The following RFTN2 variants were observed in gnomAD, a reference collection of about 807,000 sequenced individuals.
The protein encoded by RFTN2 is raftlin-2.
RFTN2 carries 34 observed loss-of-function variants against 52.7 expected under a neutral mutation model. The observed-to-expected ratio is 0.64, with a 90% CI of 0.49 to 0.86. The LOEUF (loss-of-function observed/expected upper bound fraction) is 0.86. RFTN2 is among the 40% of genes least tolerant of loss of function. The pLI is 0.00. For missense variants in RFTN2, 536 were observed against 600.1 expected (o/e 0.89, Z 1.12); for synonymous variants, 203 against 217.7 (o/e 0.93, Z 0.59).
At chr2:197,578,525 G>C (rs535905764) in intron 8 of RFTN2, among the ~76,000 whole-genome samples, 2 of 152,124 alleles carry the variant, frequency 1.3e-5, no homozygotes, top group Admixed American at 1.3e-4. Flanking sequence ...ACATTACCTT[G>C]TGAAATTCCT....
At chr2:197,669,235 A>G (rs1164592523) in intron 1 of RFTN2, among the ~76,000 whole-genome samples, 4 of 152,158 alleles carry the variant, frequency 2.6e-5, no homozygotes, top group Admixed American at 6.5e-5. Context: ...TTTCACTGCT[A>G]TCTTCTTAAT....
chr2:197,671,999 T>G (rs2089153540), intron 1 of RFTN2, among the ~76,000 whole-genome samples: 1 of 152,208 alleles, frequency 6.6e-6, no homozygotes, highest in Non-Finnish European at 1.5e-5. Flanking sequence ...ATACATCATA[T>G]GCTCTCATAA....
At chr2:197,629,193 C>T (rs1288075787) in intron 5 of RFTN2, among the ~76,000 whole-genome samples, 1 of 152,190 alleles carries the variant, frequency 6.6e-6, no homozygotes, top group Non-Finnish European at 1.5e-5. Flanking sequence ...TTGGAACCAA[C>T]CCAAATGTCC....
intron 5 of RFTN2, among the ~76,000 whole-genome samples, chr2:197,626,363 TGAGACCAACCTGGGCAGCAAAGC>T (rs1470390949): frequency 6.6e-6 from 1 of 151,942 alleles, no homozygotes; most frequent in Non-Finnish European, 1.5e-5. Flanking sequence ...GCCAGGAGTT[TGAGACCAACCTGGGCAGCAAAGC>T]GAGACCATGT....
intron 7 of RFTN2, 55 bp downstream of exon 7, chr2:197,615,821 G>T: frequency 1.1e-6 from 1 of 888,794 alleles, no homozygotes; most frequent in Non-Finnish European, 1.8e-6. Context: ...CTATCTAACA[G>T]ATGAAGTTAT....
chr2:197,572,754 C>A (rs2087340029), intron 8 of RFTN2, among the ~76,000 whole-genome samples: 1 of 152,148 alleles, frequency 6.6e-6, no homozygotes, highest in Admixed American at 6.5e-5. Context: ...TTGGCTGTGT[C>A]CCCACCCAAA....
At chr2:197,637,521 T>C (rs966326793) in intron 3 of RFTN2, among the ~76,000 whole-genome samples, 1 of 152,252 alleles carries the variant, frequency 6.6e-6, no homozygotes, top group Non-Finnish European at 1.5e-5. Flanking sequence ...TTCTAGTTTA[T>C]TTGCATAGAG....
intron 1 of RFTN2, among the ~76,000 whole-genome samples, chr2:197,657,308 T>C (rs1029335302): frequency 2.6e-5 from 4 of 152,228 alleles, no homozygotes; most frequent in Non-Finnish European, 5.9e-5. Context: ...AGCCTGAGTC[T>C]CATTAGTTTG....
chr2:197,606,086 G>A (rs143930864), intron 7 of RFTN2, among the ~76,000 whole-genome samples: 52 of 152,114 alleles, frequency 3.4e-4, no homozygotes, highest in African/African-American at 1.2e-3. Context: ...TATATACTGT[G>A]TGGCCTTTTG....
At chr2:197,578,169 T>G (rs2087448824) in intron 8 of RFTN2, among the ~76,000 whole-genome samples, 1 of 152,184 alleles carries the variant, frequency 6.6e-6, no homozygotes, top group Non-Finnish European at 1.5e-5. Context: ...CCTCTTTATA[T>G]ATCAGCTAAT....
chr2:197,642,922 C>T (rs998969503), intron 3 of RFTN2, among the ~76,000 whole-genome samples: 9 of 151,874 alleles, frequency 5.9e-5, no homozygotes, highest in East Asian at 1.9e-4. Context: ...GAGACTGCAG[C>T]GAGCTATGAT....
chr2:197,625,140 G>GT (rs1183053858), intron 5 of RFTN2, among the ~76,000 whole-genome samples: 2 of 152,084 alleles, frequency 1.3e-5, no homozygotes, highest in Admixed American at 1.3e-4. Context: ...ATGAACCACT[G>GT]TGCTGGCCCA....
In RFTN2 at chr2:197,671,218, T is replaced by G. The variant is rs1428214876; in HGVS notation, c.139+4102A>C. 2.6e-5 allele frequency among the ~76,000 whole-genome samples: 4 copies of G among 152,336 alleles called. No individual in the cohort carries two copies. The East Asian group carries it at 7.7e-4, about 29-fold the overall frequency. ...CCCATCAGTTTAGAATCTTACTTCC[T>G]GCTTCCTCCCTAGAAAACCTCCTTT... On this transcript the variant is annotated intron_variant, in intron 1 of 8. Transcript: ENST00000295049.
intron 5 of RFTN2, among the ~76,000 whole-genome samples, chr2:197,629,381 T>C (rs1358873650): frequency 6.6e-6 from 1 of 151,718 alleles, no homozygotes; most frequent in Non-Finnish European, 1.5e-5. Flanking sequence ...CACTCATAGG[T>C]GGGAACTGAA....
At chr2:197,634,833 C>T (rs1391629007) in intron 3 of RFTN2, among the ~76,000 whole-genome samples, 5 of 150,914 alleles carry the variant, frequency 3.3e-5, no homozygotes, top group Non-Finnish European at 7.4e-5. Flanking sequence ...TGCGCTGCAC[C>T]CCCTAACTTG....
At chr2:197,668,561 A>ACCTGCACCTGGCAGTAG (rs988908522) in intron 1 of RFTN2, among the ~76,000 whole-genome samples, 1 of 152,124 alleles carries the variant, frequency 6.6e-6, no homozygotes, top group African/African-American at 2.4e-5. Flanking sequence ...AGAGGCATGT[A>ACCTGCACCTGGCAGTAG]CCTGCACCTG....
chr2:197,609,473 T>C (rs948143252), intron 7 of RFTN2, among the ~76,000 whole-genome samples: 7 of 152,238 alleles, frequency 4.6e-5, no homozygotes, highest in African/African-American at 1.7e-4. Flanking sequence ...CATTTTTTGA[T>C]GGGGTTGTTT....
At chr2:197,574,112 C>A (rs1228274914) in intron 8 of RFTN2, among the ~76,000 whole-genome samples, 3 of 152,206 alleles carry the variant, frequency 2.0e-5, no homozygotes, top group African/African-American at 7.2e-5. Flanking sequence ...CCTAGTGGAG[C>A]TGTGAGAAGA....
At chr2:197,663,034 G>T (rs1328882673) in intron 1 of RFTN2, among the ~76,000 whole-genome samples, 1 of 152,080 alleles carries the variant, frequency 6.6e-6, no homozygotes, top group Non-Finnish European at 1.5e-5. Flanking sequence ...AGTTTGTTGA[G>T]AGTTTTTGTC....
Sources: allele counts gnomAD v4.1 joint callset (sites outside exome capture counted in the v4.1 genomes callset), GRCh38; gene constraint gnomAD v4.1.1; transcripts MANE v1.5; gene names NCBI Gene and HGNC (gene_info 2026-07-23, HGNC 2026-07-21).